MICAL3: variants seen among roughly 807,000 people sequenced by gnomAD.
The protein encoded by MICAL3 is [F-actin]-monooxygenase MICAL3.
In MICAL3, 62 loss-of-function variants were observed where a neutral mutation model predicts 207.4. The observed-to-expected ratio is 0.30, with a 90% CI of 0.24 to 0.37. The LOEUF is 0.37. Ranked by LOEUF, MICAL3 falls within the 10% of genes least tolerant of loss-of-function variation. MICAL3 has a pLI of 1.00. For synonymous variants in MICAL3, 1,077 were observed against 1,069.3 expected (o/e 1.01, Z -0.14); for missense variants, 2,368 against 2,635.6 (o/e 0.90, Z 2.22).
At chr22:17,990,178 C>G (rs1318558685) in intron 1 of MICAL3, among the ~76,000 whole-genome samples, 2 of 152,136 alleles carry the variant, frequency 1.3e-5, no homozygotes, top group Non-Finnish European at 2.9e-5. Flanking sequence ...CAGATGCTTT[C>G]ATATTGATGA....
chr22:17,901,004 G>A lies in MICAL3; in HGVS notation c.692-7C>T, dbSNP rs762151513. On this transcript the variant is annotated splice_region_variant and splice_polypyrimidine_tract_variant and intron_variant, in intron 5 of 31. Transcript: ENST00000441493. Reference sequence around the variant, plus strand: ...AATTCTTTCCGACGAAACCCTGGAGGGAAATAAATTTTCAGAGGTGATAAT... The same window carrying A: ...AATTCTTTCCGACGAAACCCTGGAGAGAAATAAATTTTCAGAGGTGATAAT... The A allele has an allele frequency of 1.2e-6, 2 of 1,613,800 alleles. No individual in the cohort carries two copies. Among genetic ancestry groups the A allele is most frequent in the African/African-American group, 1.3e-5 (1 of 75,038 alleles).
intron 16 of MICAL3, chr22:17,881,342 CAAACAG>C: frequency 6.6e-7 from 1 of 1,514,540 alleles, no homozygotes; most frequent in Non-Finnish European, 9.1e-7. Context: ...GAACATCATT[CAAACAG>C]TGGCCATGTG....
At chr22:17,850,852 A>G (rs1008751931) in intron 19 of MICAL3, among the ~76,000 whole-genome samples, 1 of 152,014 alleles carries the variant, frequency 6.6e-6, no homozygotes, top group Non-Finnish European at 1.5e-5. Context: ...TACAAGCCCG[A>G]CTCTCCAGTA....
chr22:17,877,126 T>G (rs201343988), intron 16 of MICAL3, among the ~76,000 whole-genome samples: 1,112 of 77,066 alleles, frequency 0.014, 2 homozygotes, highest in Non-Finnish European at 0.015. Flanking sequence ...AGGGAGGTTA[T>G]GGAGGTTAGG....
intron 1 of MICAL3, chr22:18,004,842 C>T (rs545783711): frequency 6.6e-6 from 1 of 152,306 alleles, no homozygotes; most frequent in African/African-American, 2.4e-5. Context: ...AACTCCACAA[C>T]GCAATACTGT....
chr22:17,808,868 C>T lies in MICAL3; in HGVS notation c.5626G>A (p.Glu1876Lys). The change falls in exon 29 of 32, where the codon GAG becomes AAG. Residue 1876 changes from glutamate (E) to lysine (K), a missense_variant. Physicochemically the swap from Glu to Lys is moderately conservative, Grantham distance 56. Transcript: ENST00000441493. ...RRLEERGVAV[E>K]KALRGEAGMG... ...CCTGCTTCGCCCCGGAGCGCCTTCT[C>T]CACAGCCACGCCCCTTTCCTCCAGC... 1 of 1,553,176 alleles carries T rather than the reference C, an allele frequency of 6.4e-7. No individual in the cohort carries two copies. The highest frequency in any genetic ancestry group is 8.7e-7 in the Non-Finnish European group (1 of 1,148,144).
chr22:17,928,199 G>A (rs1025337971), intron 1 of MICAL3, among the ~76,000 whole-genome samples: 1 of 152,158 alleles, frequency 6.6e-6, no homozygotes, highest in Non-Finnish European at 1.5e-5. Context: ...CAGCACTTTG[G>A]GAGGCCGAGG....
chr22:17,931,991 G>A (rs5992903), intron 1 of MICAL3, among the ~76,000 whole-genome samples: 3,157 of 152,260 alleles, frequency 0.021, 102 homozygotes, highest in African/African-American at 0.066. Context: ...ACCGTCTAGT[G>A]GAAAATACAG....
chr22:17,825,734 T>C (rs1034455819), intron 22 of MICAL3, among the ~76,000 whole-genome samples: 17 of 152,126 alleles, frequency 1.1e-4, no homozygotes, highest in African/African-American at 3.9e-4. Flanking sequence ...GGTGTCTTCA[T>C]AGGTGGTGGA....
At chr22:17,877,049 G>A (rs1365142155) in intron 16 of MICAL3, among the ~76,000 whole-genome samples, 3 of 143,202 alleles carry the variant, frequency 2.1e-5, no homozygotes, top group East Asian at 2.2e-4. Context: ...AGGTTATGGA[G>A]GTTAGGGAGG....
At chr22:18,000,112 C>G (rs757165778) in intron 1 of MICAL3, among the ~76,000 whole-genome samples, 1 of 152,130 alleles carries the variant, frequency 6.6e-6, no homozygotes, top group Non-Finnish European at 1.5e-5. Context: ...AGCTTAAAAC[C>G]CAGTTCATCC....
chr22:17,983,852 C>T (rs969310045), intron 1 of MICAL3, among the ~76,000 whole-genome samples: 1 of 152,022 alleles, frequency 6.6e-6, no homozygotes, highest in Non-Finnish European at 1.5e-5. Context: ...TTCTTGTTCC[C>T]AGGAAACAGA....
intron 8 of MICAL3, 52 bp from the exon 9 acceptor site, chr22:17,896,413 T>C (rs1930834691): frequency 1.8e-6 from 2 of 1,120,042 alleles, no homozygotes; most frequent in East Asian, 2.6e-5. Flanking sequence ...CCTTTCAAAA[T>C]GGGAAAAATA....
intron 19 of MICAL3, among the ~76,000 whole-genome samples, chr22:17,856,608 CTTTTTTTTTTT>C (rs57588188): frequency 4.2e-5 from 4 of 94,864 alleles, no homozygotes; most frequent in South Asian, 3.7e-4. Context: ...AAAATGTTTA[CTTTTTTTTTTT>C]TTTTTTTTTT....
Position 17,885,899 on chromosome 22 carries a change from C to G in MICAL3, c.2220G>C (p.Gln740His), listed in dbSNP as rs1425565794. Residue 740 changes from glutamine to histidine, a missense_variant, in exon 16 of 32, where the codon CAG becomes CAC. Gln to His is a conservative substitution (Grantham distance 24). Around this residue, in one of 4 missense-constraint regions of MICAL3, gnomAD observed 1,770 missense variants for 1,863.2 expected, o/e 0.95. Transcript: ENST00000441493. The part of the protein sequence containing the change: ...LAKFEENAPA[Q>H]SIGIRRQGSM... ...TTACCTGTCTCCGTATGCCGATGGACTGTGCGGGCGCATTCTCTTCAAATT... is the reference window on the plus strand; with the variant it reads ...TTACCTGTCTCCGTATGCCGATGGAGTGTGCGGGCGCATTCTCTTCAAATT... The G allele has an allele frequency of 1.9e-6, 3 of 1,613,980 alleles. No individual in the cohort carries two copies. Among genetic ancestry groups the G allele is most frequent in the Non-Finnish European group, 2.5e-6 (3 of 1,179,898 alleles).
chr22:17,823,100 G>A (rs1410614744), intron 22 of MICAL3, 40 bp from the exon 23 acceptor site: 2 of 1,323,272 alleles, frequency 1.5e-6, no homozygotes, highest in African/African-American at 2.9e-5. Flanking sequence ...AGAAAAGGAG[G>A]ACAGACAGAC....
In MICAL3 at chr22:17,893,846, A is replaced by G; in HGVS notation, c.1508T>C (p.Leu503Pro). Residue 503 changes from leucine (L) to proline (P), a missense_variant, in exon 11 of 32, where the codon CTG (leucine) becomes CCG (proline). Around this residue, in one of 4 missense-constraint regions of MICAL3, gnomAD observed 147 missense variants for 137.7 expected, o/e 1.07. Transcript: ENST00000441493. ...TTTGGGGGTGGTTCGGGAATTCACC[A>G]GGCTCTCCATTTCCAGGTGAATATC... is the stretch of plus-strand genomic sequence containing the variant. Reference protein sequence around the residue: ...TKDIHLEMESLVNSRTTPKLT... With the variant: ...TKDIHLEMESPVNSRTTPKLT... 6.3e-7 allele frequency: 1 copy of G among 1,577,756 alleles called. No individual in the cohort carries two copies. Among genetic ancestry groups the G allele is most frequent in the Non-Finnish European group, 8.6e-7 (1 of 1,160,290 alleles).
Position 17,800,603 on chromosome 22 carries a change from G to C in MICAL3, c.5650+8241C>G, listed in dbSNP as rs116336087. On this transcript the variant is annotated intron_variant, in intron 29 of 31. Coordinates refer to ENST00000441493, the MANE Select transcript of MICAL3 (RefSeq NM_015241.3). ...GAAAGAGCCTGGAGCGTGACACACAGAGCACAGGGCAGGGGTAGGAGTCGG... is the reference window on the plus strand; with the variant it reads ...GAAAGAGCCTGGAGCGTGACACACACAGCACAGGGCAGGGGTAGGAGTCGG... Among the ~76,000 whole-genome samples, 1,425 of 152,286 alleles carry C rather than the reference G, an allele frequency of 9.4e-3. 22 individuals are homozygous for C. Among genetic ancestry groups the C allele is most frequent in the African/African-American group, 0.033 (1,368 of 41,544 alleles).
At chr22:17,893,613 C>A (rs1176930585) in intron 11 of MICAL3, among the ~76,000 whole-genome samples, 195 bp downstream of exon 11, 3 of 152,204 alleles carry the variant, frequency 2.0e-5, no homozygotes, top group African/African-American at 7.2e-5. Flanking sequence ...TGCCCACCCC[C>A]AATCATGACC....
Sources: allele counts gnomAD v4.1 joint callset (sites outside exome capture counted in the v4.1 genomes callset), GRCh38; gene constraint gnomAD v4.1.1; regional missense constraint gnomAD v4.1.1; transcripts MANE v1.5; gene names NCBI Gene and HGNC (gene_info 2026-07-23, HGNC 2026-07-21).